CAPRIN1: variants seen among roughly 807,000 people sequenced by gnomAD.
CAPRIN1 encodes caprin-1.
A neutral mutation model predicts 100.9 loss-of-function variants in CAPRIN1; 29 were observed. The observed-to-expected ratio is 0.29, with a 90% CI of 0.21 to 0.39. The LOEUF (loss-of-function observed/expected upper bound fraction) is 0.39. Ranked by LOEUF, CAPRIN1 falls within the 10% of genes least tolerant of loss-of-function variation. The pLI, the probability that CAPRIN1 is intolerant of heterozygous loss-of-function variation, is 1.00. For synonymous variants in CAPRIN1, 338 were observed against 307.5 expected (o/e 1.10, Z -1.04); for missense variants, 795 against 876.7 (o/e 0.91, Z 1.18).
chr11:34,083,530 C>G (rs1851074125), intron 9 of CAPRIN1, among the ~76,000 whole-genome samples: 1 of 152,164 alleles, frequency 6.6e-6, no homozygotes, highest in Non-Finnish European at 1.5e-5. Context: ...CTGACTGCCT[C>G]CAGACCATCC....
Position 34,077,764 on chromosome 11 carries a change from A to G in CAPRIN1, c.688+1122A>G, listed in dbSNP as rs183569383. Among the ~76,000 whole-genome samples, 16 of 152,318 alleles carry G rather than the reference A, an allele frequency of 1.1e-4. No homozygotes were observed. In the East Asian group the frequency reaches 3.1e-3, roughly 29 times the overall value. On this transcript the variant is annotated intron_variant, in intron 6 of 18. Coordinates refer to ENST00000341394, the MANE Select transcript of CAPRIN1 (RefSeq NM_005898.5). ...TTTAATTGGCAAAATTTAGAAGAGT[A>G]TATTTGCTTTAAGGAAATGGGTGCC...
At chr11:34,055,048 G>C (rs1850420817) in intron 2 of CAPRIN1, among the ~76,000 whole-genome samples, 1 of 152,086 alleles carries the variant, frequency 6.6e-6, no homozygotes, top group African/African-American at 2.4e-5. Context: ...TATAAATCTA[G>C]TTTATAAGCC....
In CAPRIN1 at chr11:34,086,154, C is replaced by G. The variant is rs575272575; in HGVS notation, c.1057C>G (p.Leu353Val). The G allele has an allele frequency of 4.3e-6, 7 of 1,614,008 alleles. No homozygotes were observed. The highest frequency in any genetic ancestry group is 5.9e-6 in the Non-Finnish European group (7 of 1,180,008). Reference protein sequence around the residue: ...SLTPVAQADPLVRRQRVQDLM... With the variant: ...SLTPVAQADPVVRRQRVQDLM... ...GACTCCAGTGGCTCAGGCAGATCCC[C>G]TTGTGAGAAGACAGCGAGTACAAGA... is the stretch of plus-strand genomic sequence containing the variant. The change falls in exon 10 of 19, where the codon CTT becomes GTT. Residue 353 changes from leucine (L) to valine (V), a missense_variant. Physicochemically the swap from Leu to Val is conservative, Grantham distance 32. Around this residue, in one of 3 missense-constraint regions of CAPRIN1, gnomAD observed 648 missense variants for 697.9 expected, o/e 0.93. Transcript: ENST00000341394.
Position 34,099,656 on chromosome 11 carries a change from G to T in CAPRIN1, c.*289G>T. ...GGAGTAAAACAATATACTTTACAGG[G>T]TGATAATAATCTCCATAGTTATTTG... On this transcript the variant is annotated 3_prime_UTR_variant, in exon 19 of 19. Transcript: ENST00000341394. 2.9e-6 allele frequency: 1 copy of T among 339,822 alleles called. No individual in the cohort carries two copies. Among genetic ancestry groups the T allele is most frequent in the Non-Finnish European group, 5.4e-6 (1 of 186,562 alleles). The allele number at this position is 339,822 out of a possible 1,614,324, so 21.1% of individuals were successfully genotyped here. A position where few individuals can be genotyped will look rare whatever the true frequency, so the allele number is the denominator to read the frequency against.
Position 34,076,639 on chromosome 11 carries a change from A to T in CAPRIN1, c.685A>T (p.Thr229Ser). ...EGKEKPVCGT[T>S]YKVLKEIVER... ...GAAGGAAAAACCTGTATGTGGAACCACCTGTGAGTATCACTGTGATAACTT... is the reference window on the plus strand; with the variant it reads ...GAAGGAAAAACCTGTATGTGGAACCTCCTGTGAGTATCACTGTGATAACTT... The change falls in exon 6 of 19, where the codon ACC becomes TCC. Residue 229 changes from threonine (T) to serine (S), a missense_variant. This residue lies in a region of CAPRIN1 where 648 missense variants were observed against 697.9 expected (regional missense o/e 0.93). Coordinates refer to ENST00000341394, the MANE Select transcript of CAPRIN1 (RefSeq NM_005898.5). 1 of 1,598,520 alleles carries T rather than the reference A, an allele frequency of 6.3e-7. No homozygotes were observed. Among genetic ancestry groups the T allele is most frequent in the Non-Finnish European group, 8.6e-7 (1 of 1,166,168 alleles).
rs1456549865 is a variant in CAPRIN1 at position 34,079,618 on chromosome 11, T to A, written c.689-10T>A. 3.7e-6 allele frequency: 6 copies of A among 1,611,406 alleles called. No homozygotes were observed. Among genetic ancestry groups the A allele is most frequent in the Non-Finnish European group, 5.1e-6 (6 of 1,177,856 alleles). The stretch of plus-strand genomic sequence containing the variant: ...AAGTCTTACATTATAATTCATGTTC[T>A]TTTTCTTAGATAAAGTTCTAAAGGA... On this transcript the variant is annotated splice_polypyrimidine_tract_variant and intron_variant, in intron 6 of 18. Transcript: ENST00000341394.
At position 34,052,420 on chromosome 11, in the gene CAPRIN1, G is replaced by GATGC; in HGVS notation, c.1_4dup (p.Pro2HisfsTer27). On this transcript the variant is annotated splice_region_variant and 5_prime_UTR_variant. Transcript: ENST00000341394. The stretch of plus-strand genomic sequence containing the variant: ...TTCTTCTCTCTCCTTGCGGTCTGAA[G>GATGC]ATGCCCTCGGCCACCAGCCACAGCG... 6.2e-7 allele frequency: 1 copy of GATGC among 1,606,068 alleles called. No individual in the cohort carries two copies. Among genetic ancestry groups the GATGC allele is most frequent in the Non-Finnish European group, 8.5e-7 (1 of 1,178,378 alleles).
chr11:34,080,303 C>T (rs915037289), intron 7 of CAPRIN1, among the ~76,000 whole-genome samples: 1 of 152,148 alleles, frequency 6.6e-6, no homozygotes, highest in South Asian at 2.1e-4. Context: ...ATTTGTCTTA[C>T]TAGTCTTGAT....
chr11:34,097,133 TAAAA>T, intron 16 of CAPRIN1, 59 bp from the exon 17 acceptor site: 1 of 1,195,598 alleles, frequency 8.4e-7, no homozygotes, highest in Admixed American at 1.8e-5. Context: ...TCTTCATTAA[TAAAA>T]AAGTAAAAAT....
chr11:34,081,759 A>G (rs1316547151), intron 7 of CAPRIN1, among the ~76,000 whole-genome samples: 1 of 151,494 alleles, frequency 6.6e-6, no homozygotes, highest in Non-Finnish European at 1.5e-5. Flanking sequence ...TGGCCTCCCA[A>G]AGTCCTGAGA....
intron 14 of CAPRIN1, chr11:34,091,646 T>G (rs970651289): frequency 7.3e-6 from 2 of 272,596 alleles, no homozygotes; most frequent in Non-Finnish European, 1.4e-5. Flanking sequence ...GGCTGCTGAT[T>G]GCATGTCTTT....
chr11:34,066,727 C>T (rs189637036), intron 2 of CAPRIN1, among the ~76,000 whole-genome samples: 1 of 151,456 alleles, frequency 6.6e-6, no homozygotes, highest in Admixed American at 6.6e-5. Context: ...TCACTGCAAC[C>T]TCCACCTCCT....
At chr11:34,094,765 C>G (rs762162078) in intron 15 of CAPRIN1, among the ~76,000 whole-genome samples, 1 of 152,210 alleles carries the variant, frequency 6.6e-6, no homozygotes, top group Non-Finnish European at 1.5e-5. Context: ...TGACTGAACT[C>G]CAACCTCAGC....
In CAPRIN1 at chr11:34,082,823, A is replaced by G; in HGVS notation, c.827-2A>G. The G allele has an allele frequency of 1.9e-6, 3 of 1,612,940 alleles. No individual in the cohort carries two copies. Among genetic ancestry groups the G allele is most frequent in the Non-Finnish European group, 1.7e-6 (2 of 1,179,622 alleles). On this transcript the variant is annotated splice_acceptor_variant, in intron 7 of 18. Coordinates refer to ENST00000341394, the MANE Select transcript of CAPRIN1 (RefSeq NM_005898.5). LOFTEE classifies it high-confidence loss of function. ...GTTTTGCACCATTTTTTAACCTCTT[A>G]GAACCTGAGCCAGCAGAAGAGTACA...
Position 34,070,140 on chromosome 11 carries a change from A to T in CAPRIN1, c.217-1586A>T, listed in dbSNP as rs569282595. ...TCCTCTTGACCTTTACAATAATAAT[A>T]GTTTGTGACTCTGTTGCATTACCTG... is the stretch of plus-strand genomic sequence containing the variant. On this transcript the variant is annotated intron_variant, in intron 2 of 18. Transcript: ENST00000341394. Among the ~76,000 whole-genome samples, 17 of 152,256 alleles carry T rather than the reference A, an allele frequency of 1.1e-4. No homozygotes were observed. The South Asian group carries it at 3.5e-3, about 32-fold the overall frequency.
chr11:34,068,482 C>T (rs1291049442), intron 2 of CAPRIN1, among the ~76,000 whole-genome samples: 10 of 152,038 alleles, frequency 6.6e-5, no homozygotes, highest in Non-Finnish European at 1.3e-4. Flanking sequence ...ATGTAATCTG[C>T]GATAGCTCTC....
chr11:34,053,707 T>C (rs1850386488), intron 2 of CAPRIN1: 1 of 152,258 alleles, frequency 6.6e-6, no homozygotes, highest in Admixed American at 6.5e-5. Flanking sequence ...TTTTGTTTTA[T>C]GCTTTCATCG....
At chr11:34,064,660 CCACTT>C (rs1481222440) in intron 2 of CAPRIN1, among the ~76,000 whole-genome samples, 1 of 152,118 alleles carries the variant, frequency 6.6e-6, no homozygotes, top group Non-Finnish European at 1.5e-5. Flanking sequence ...TTGGTATTTA[CCACTT>C]AGTTTAACTT....
At chr11:34,054,887 A>G (rs1850416510) in intron 2 of CAPRIN1, among the ~76,000 whole-genome samples, 2 of 152,254 alleles carry the variant, frequency 1.3e-5, no homozygotes, top group African/African-American at 2.4e-5. Context: ...AATTATGAAC[A>G]TTAATGATTA....
Sources: allele counts gnomAD v4.1 joint callset (sites outside exome capture counted in the v4.1 genomes callset), GRCh38; gene constraint gnomAD v4.1.1; regional missense constraint gnomAD v4.1.1; transcripts MANE v1.5; gene names NCBI Gene and HGNC (gene_info 2026-07-23, HGNC 2026-07-21).